The following ZEB1 variants were observed in gnomAD, a reference collection of about 807,000 sequenced individuals.
ZEB1 encodes the protein zinc finger E-box binding homeobox 1, also known as zinc finger E-box-binding homeobox 1.
In ZEB1, 21 loss-of-function variants were observed where a neutral mutation model predicts 84.9. The ratio of observed to expected loss-of-function variants is 0.25; its 90% CI spans 0.18 to 0.36. The LOEUF (loss-of-function observed/expected upper bound fraction) is 0.36. Among genes scored for constraint, ZEB1 ranks in the 10% least tolerant of loss-of-function variants. The pLI, the probability that ZEB1 is intolerant of heterozygous loss-of-function variation, is 1.00. For missense variants in ZEB1, 1,104 were observed against 1,330.2 expected (o/e 0.83, Z 2.65); for synonymous variants, 420 against 471.1 (o/e 0.89, Z 1.41).
At chr10:31,438,839 G>C (rs191308153) in intron 1 of ZEB1, among the ~76,000 whole-genome samples, 4 of 152,080 alleles carry the variant, frequency 2.6e-5, no homozygotes, top group Non-Finnish European at 5.9e-5. Context: ...GTGAGACCTC[G>C]TGTCTAAAAT....
intron 1 of ZEB1, among the ~76,000 whole-genome samples, chr10:31,406,714 T>A (rs1321702220): frequency 6.6e-6 from 1 of 152,230 alleles, no homozygotes; most frequent in African/African-American, 2.4e-5. Context: ...CATTTGTCAA[T>A]TTTGGCTTTT....
intron 2 of ZEB1, among the ~76,000 whole-genome samples, chr10:31,465,285 C>G (rs1050945545): frequency 6.6e-6 from 1 of 151,594 alleles, no homozygotes; most frequent in Non-Finnish European, 1.5e-5. Context: ...TAAATTAACA[C>G]AGAATGTGGG....
At position 31,488,321 on chromosome 10, in the gene ZEB1, T is replaced by C. The variant is rs1198388835; in HGVS notation, c.260-7455T>C. 2.0e-5 allele frequency among the ~76,000 whole-genome samples: 3 copies of C among 151,334 alleles called. No individual in the cohort carries two copies. In the East Asian group the frequency reaches 5.8e-4, roughly 29 times the overall value. ...GTCTGATTTTCAAGGAATTTACTTA[T>C]TTCACTTCTTTAGGTTTATGTTTAC... On this transcript the variant is annotated intron_variant, in intron 2 of 8. Coordinates refer to ENST00000424869, the MANE Select transcript of ZEB1 (RefSeq NM_001174096.2).
At chr10:31,325,725 C>A (rs529280805) in intron 1 of ZEB1, among the ~76,000 whole-genome samples, 1 of 151,806 alleles carries the variant, frequency 6.6e-6, no homozygotes, top group Non-Finnish European at 1.5e-5. Flanking sequence ...ATGTTAATTT[C>A]TTTTTATTGT....
Position 31,527,412 on chromosome 10 carries a change from AACACACACACACACACACACACAC to A in ZEB1, c.*166_*189del, listed in dbSNP as rs3086583. On this transcript the variant is annotated 3_prime_UTR_variant, in exon 9 of 9. Coordinates refer to ENST00000424869, the MANE Select transcript of ZEB1 (RefSeq NM_001174096.2). ...AAAACTAAAAAAATACAAAATACAA[AACACACACACACACACACACACAC>A]ACACACACACACACACAAAATAAAT... 1.6e-5 allele frequency: 8 copies of A among 515,644 alleles called. No individual in the cohort carries two copies. Among genetic ancestry groups the A allele is most frequent in the East Asian group, 1.2e-4 (3 of 25,346 alleles). The allele number at this position is 515,644 out of a possible 1,614,324, so 31.9% of individuals were successfully genotyped here. A position where few individuals can be genotyped will look rare whatever the true frequency, so the allele number is the denominator to read the frequency against.
intron 1 of ZEB1, 166 bp downstream of exon 1, chr10:31,319,458 CCGCTGCCGG>C (rs1173952132): frequency 3.1e-5 from 21 of 672,042 alleles, no homozygotes; most frequent in Non-Finnish European, 4.8e-5. Context: ...TCCGCTGCCG[CCGCTGCCGG>C]AGCCGCGCCG....
At chr10:31,373,142 C>G in intron 1 of ZEB1, 1 of 985,170 alleles carries the variant, frequency 1.0e-6, no homozygotes, top group Non-Finnish European at 1.2e-6. Context: ...TCAAGAAAGA[C>G]TAATGGAGTG....
chr10:31,323,463 TG>T (rs1282046587), intron 1 of ZEB1, among the ~76,000 whole-genome samples: 1 of 152,062 alleles, frequency 6.6e-6, no homozygotes, highest in African/African-American at 2.4e-5. Context: ...GTCACTTAGA[TG>T]TTAGTGATTT....
chr10:31,367,911 T>C (rs1402287849), intron 1 of ZEB1, among the ~76,000 whole-genome samples: 4 of 152,024 alleles, frequency 2.6e-5, no homozygotes, highest in Non-Finnish European at 4.4e-5. Context: ...ATAATTACAC[T>C]TTCTAAAATA....
At chr10:31,462,891 A>G (rs570568255) in intron 2 of ZEB1, among the ~76,000 whole-genome samples, 11 of 152,202 alleles carry the variant, frequency 7.2e-5, no homozygotes. Context: ...TGCCCATGGG[A>G]TGGGAATAGA....
intron 1 of ZEB1, among the ~76,000 whole-genome samples, chr10:31,449,781 T>C (rs1374893353): frequency 6.6e-6 from 1 of 152,208 alleles, no homozygotes; most frequent in Non-Finnish European, 1.5e-5. Flanking sequence ...TTTTCCTGAG[T>C]ATTTTAATGT....
intron 1 of ZEB1, among the ~76,000 whole-genome samples, chr10:31,400,433 A>G (rs1231934278): frequency 6.6e-6 from 1 of 152,140 alleles, no homozygotes; most frequent in Non-Finnish European, 1.5e-5. Context: ...ATACATTGGT[A>G]TCATTATATA....
chr10:31,499,364 C>T lies in ZEB1; in HGVS notation c.323-2984C>T, dbSNP rs532656529. Among the ~76,000 whole-genome samples, 10 of 152,114 alleles carry T rather than the reference C, an allele frequency of 6.6e-5. No homozygotes were observed. The South Asian group carries it at 2.1e-3, about 32-fold the overall frequency. Reference sequence around the variant, plus strand: ...TTATCAGTATATTTTTCATGAAAAACACTTTTATTACATGAACTGTATTTT... The same window carrying T: ...TTATCAGTATATTTTTCATGAAAAATACTTTTATTACATGAACTGTATTTT... On this transcript the variant is annotated intron_variant, in intron 3 of 8. Transcript: ENST00000424869.
intron 1 of ZEB1, among the ~76,000 whole-genome samples, chr10:31,451,825 A>T (rs965476918): frequency 3.3e-5 from 5 of 152,148 alleles, no homozygotes; most frequent in Admixed American, 6.6e-5. Context: ...TAGATACAGG[A>T]TCTGTGGAGG....
chr10:31,459,899 ATAT>A (rs1418935236), intron 1 of ZEB1, among the ~76,000 whole-genome samples: 2 of 149,678 alleles, frequency 1.3e-5, no homozygotes, highest in South Asian at 2.1e-4. Context: ...ATATGTATAC[ATAT>A]TATTTAAGCA....
chr10:31,374,184 G>A (rs528061390), intron 1 of ZEB1, among the ~76,000 whole-genome samples: 5 of 151,772 alleles, frequency 3.3e-5, no homozygotes, highest in African/African-American at 4.8e-5. Context: ...TGTCAAATAC[G>A]TGATTTTTGC....
At chr10:31,462,722 TATC>T (rs2061954164) in intron 2 of ZEB1, among the ~76,000 whole-genome samples, 4 of 152,166 alleles carry the variant, frequency 2.6e-5, no homozygotes, top group African/African-American at 7.2e-5. Context: ...ATTTGAACCT[TATC>T]ATGGAAGCTA....
chr10:31,526,609 A>G (rs2073499637), intron 8 of ZEB1, 63 bp from the exon 9 acceptor site: 1 of 1,586,652 alleles, frequency 6.3e-7, no homozygotes, highest in Admixed American at 1.7e-5. Context: ...TACCCCAAAA[A>G]CCGTATAAGG....
At chr10:31,468,042 C>G (rs1358748144) in intron 2 of ZEB1, among the ~76,000 whole-genome samples, 1 of 152,068 alleles carries the variant, frequency 6.6e-6, no homozygotes, top group African/African-American at 2.4e-5. Context: ...AGGGCTAGCC[C>G]TCTTACCCTG....
Sources: allele counts gnomAD v4.1 joint callset (sites outside exome capture counted in the v4.1 genomes callset), GRCh38; gene constraint gnomAD v4.1.1; transcripts MANE v1.5; gene names NCBI Gene and HGNC (gene_info 2026-07-23, HGNC 2026-07-21).